RPRD1A: variants seen among roughly 807,000 people sequenced by gnomAD.
The protein encoded by RPRD1A is regulation of nuclear pre-mRNA domain-containing protein 1A.
A neutral mutation model predicts 37.8 loss-of-function variants in RPRD1A; 9 were observed. That is an observed-to-expected ratio of 0.24 (90% CI 0.14 to 0.42). The LOEUF (loss-of-function observed/expected upper bound fraction) is 0.42. RPRD1A is among the 10% of genes least tolerant of loss of function. The pLI is 1.00. For missense variants in RPRD1A, 255 were observed against 371.0 expected, an observed-to-expected ratio of 0.69 and a Z score of 2.57; for synonymous variants, 138 against 139.7, an observed-to-expected ratio of 0.99 and a Z score of 0.08.
intron 1 of RPRD1A, among the ~76,000 whole-genome samples, chr18:36,060,385 G>C (rs2088883410): frequency 6.6e-6 from 1 of 152,080 alleles, no homozygotes; most frequent in Non-Finnish European, 1.5e-5. Flanking sequence ...AGTGAACCGA[G>C]ATCGCGCCAC....
intron 6 of RPRD1A, among the ~76,000 whole-genome samples, chr18:35,998,527 T>A (rs1909229998): frequency 6.6e-6 from 1 of 152,160 alleles, no homozygotes; most frequent in Non-Finnish European, 1.5e-5. Flanking sequence ...TTTCTGTCCT[T>A]AATTTACCCT....
At position 35,990,133 on chromosome 18, in the gene RPRD1A, A is replaced by G. The variant is rs962905851; in HGVS notation, c.*3018T>C. 1.3e-5 allele frequency: 2 copies of G among 152,260 alleles called. No individual in the cohort carries two copies. The highest frequency in any genetic ancestry group is 2.4e-5 in the African/African-American group (1 of 41,470). The allele number at this position is 152,260 out of a possible 1,614,324, so 9.4% of individuals were successfully genotyped here. ...TAGGAGCTATTTCTTAATAGAATAC[A>G]AAGCAGTTTAGTAGCTTTATGTTAT... On this transcript the variant is annotated 3_prime_UTR_variant, in exon 7 of 7. Coordinates refer to ENST00000399022, the MANE Select transcript of RPRD1A (RefSeq NM_018170.5).
At chr18:36,053,324 T>G (rs1432125170) in intron 1 of RPRD1A, among the ~76,000 whole-genome samples, 1 of 152,166 alleles carries the variant, frequency 6.6e-6, no homozygotes, top group Non-Finnish European at 1.5e-5. Context: ...ACCCATTAAG[T>G]AGTTATTCCC....
intron 1 of RPRD1A, 75 bp downstream of exon 1, chr18:36,067,179 G>A: frequency 6.8e-7 from 1 of 1,466,596 alleles, no homozygotes; most frequent in Non-Finnish European, 9.1e-7. Flanking sequence ...GGGGGCGCTG[G>A]AGAAACGGGG....
chr18:36,033,515 C>A (rs1175364884), intron 2 of RPRD1A, among the ~76,000 whole-genome samples, 193 bp downstream of exon 2: 1 of 151,948 alleles, frequency 6.6e-6, no homozygotes. Flanking sequence ...AGCAACAGTT[C>A]AAAAAATATT....
At position 35,992,901 on chromosome 18, in the gene RPRD1A, C is replaced by G; in HGVS notation, c.*250G>C. On this transcript the variant is annotated 3_prime_UTR_variant, in exon 7 of 7. Coordinates refer to ENST00000399022, the MANE Select transcript of RPRD1A (RefSeq NM_018170.5). ...TCAAAAAAAAAATTTACAAAAAGAT[C>G]TTTTGAAAATAATCACTATTTGTGA... 1 of 316,140 alleles carries G rather than the reference C, an allele frequency of 3.2e-6. No individual in the cohort carries two copies. Among genetic ancestry groups the G allele is most frequent in the Non-Finnish European group, 5.7e-6 (1 of 176,664 alleles). 19.6% of individuals were successfully genotyped at this position (316,140 alleles called of 1,614,324 possible). A position where few individuals can be genotyped will look rare whatever the true frequency, so the allele number is the denominator to read the frequency against.
intron 6 of RPRD1A, among the ~76,000 whole-genome samples, chr18:35,999,142 TTAGAAAACACACTTTCTA>T (rs1418235800): frequency 5.9e-5 from 9 of 152,194 alleles, no homozygotes; most frequent in African/African-American, 1.9e-4. Flanking sequence ...ATACCCATAA[TTAGAAAACACACTTTCTA>T]TATATCTACA....
Position 36,027,399 on chromosome 18 carries a change from C to T in RPRD1A, c.487-89G>A, listed in dbSNP as rs1911448030. On this transcript the variant is annotated intron_variant, in intron 4 of 6. Transcript: ENST00000399022. ...TTTCATATTCTTTCATCCCTATGGGCTATTTACTAGTACAAAGCTCCTAAT... is the reference window on the plus strand; with the variant it reads ...TTTCATATTCTTTCATCCCTATGGGTTATTTACTAGTACAAAGCTCCTAAT... 2.9e-6 allele frequency: 4 copies of T among 1,387,898 alleles called. No individual in the cohort carries two copies. The Admixed American group carries it at 7.4e-5, about 26-fold the overall frequency. The allele number at this position is 1,387,898 out of a possible 1,614,324, so 86.0% of individuals were successfully genotyped here. A position where few individuals can be genotyped will look rare whatever the true frequency, so the allele number is the denominator to read the frequency against.
chr18:36,020,697 A>G (rs1413640720), intron 6 of RPRD1A, among the ~76,000 whole-genome samples: 1 of 152,044 alleles, frequency 6.6e-6, no homozygotes, highest in East Asian at 1.9e-4. Flanking sequence ...AGGCATTGTG[A>G]GGTACACTTG....
intron 1 of RPRD1A, chr18:36,040,939 T>A: frequency 1.1e-6 from 1 of 892,260 alleles, no homozygotes. Flanking sequence ...AGTAATTGTC[T>A]TTCAGAATGA....
intron 6 of RPRD1A, among the ~76,000 whole-genome samples, chr18:36,009,238 A>T (rs1910016024): frequency 6.6e-6 from 1 of 152,102 alleles, no homozygotes; most frequent in Non-Finnish European, 1.5e-5. Flanking sequence ...TATCCCAGCA[A>T]CTGGTTTTCC....
At chr18:36,031,384 G>A (rs1057421939) in intron 2 of RPRD1A, among the ~76,000 whole-genome samples, 4 of 152,114 alleles carry the variant, frequency 2.6e-5, no homozygotes, top group African/African-American at 9.7e-5. Flanking sequence ...TATCCTAATG[G>A]GGCCTGGACA....
intron 4 of RPRD1A, chr18:36,027,721 A>G (rs1471235386): frequency 6.4e-6 from 1 of 155,242 alleles, no homozygotes; most frequent in Non-Finnish European, 1.4e-5. Context: ...AAGTTTTTTT[A>G]GTATTAAATT....
chr18:36,014,740 C>T (rs1910398198), intron 6 of RPRD1A, among the ~76,000 whole-genome samples: 2 of 151,918 alleles, frequency 1.3e-5, no homozygotes, highest in African/African-American at 4.8e-5. Context: ...GAGACTCCGT[C>T]TCAAGAAAAT....
At chr18:35,995,998 C>CA (rs1276642545) in intron 6 of RPRD1A, among the ~76,000 whole-genome samples, 1 of 152,214 alleles carries the variant, frequency 6.6e-6, no homozygotes, top group East Asian at 1.9e-4. Context: ...GGAACTGTCA[C>CA]ACCCAAGAGA....
At chr18:36,057,693 G>A (rs1913891288) in intron 1 of RPRD1A, among the ~76,000 whole-genome samples, 1 of 152,192 alleles carries the variant, frequency 6.6e-6, no homozygotes, top group African/African-American at 2.4e-5. Flanking sequence ...GAACAGAAAT[G>A]TTCAATTTGA....
intron 1 of RPRD1A, among the ~76,000 whole-genome samples, chr18:36,036,108 T>C (rs532977537): frequency 3.5e-4 from 54 of 152,276 alleles, no homozygotes; most frequent in African/African-American, 1.3e-3. Flanking sequence ...TTTTTGTTTT[T>C]TTTGTTTGAG....
intron 6 of RPRD1A, among the ~76,000 whole-genome samples, chr18:36,023,105 TCTCA>T (rs1326816131): frequency 4.6e-5 from 7 of 152,234 alleles, no homozygotes; most frequent in Non-Finnish European, 1.0e-4. Flanking sequence ...GACATTCAAG[TCTCA>T]CTATTTAAGA....
intron 6 of RPRD1A, among the ~76,000 whole-genome samples, chr18:36,008,577 G>GTGTGTGTATC: frequency 4.2e-5 from 2 of 47,802 alleles, no homozygotes; most frequent in African/African-American, 6.8e-5. Flanking sequence ...CCTTGTGTGT[G>GTGTGTGTATC]TATATATATA....
Sources: gnomAD v4.1 joint callset for allele counts (sites outside exome capture counted in the v4.1 genomes callset) on GRCh38, gnomAD v4.1.1 for gene constraint, MANE v1.5 for transcripts, NCBI Gene and HGNC (gene_info 2026-07-23, HGNC 2026-07-21) for gene names.